The following CTNNA2 variants were observed in gnomAD, a reference collection of about 807,000 sequenced individuals.
CTNNA2 encodes catenin alpha-2.
CTNNA2 carries 42 observed loss-of-function variants against 101.0 expected under a neutral mutation model. The ratio of observed to expected loss-of-function variants is 0.42; its 90% CI spans 0.32 to 0.54. The LOEUF is 0.54. Ranked by LOEUF, CTNNA2 falls within the 20% of genes least tolerant of loss-of-function variation. The pLI, the probability that CTNNA2 is intolerant of heterozygous loss-of-function variation, is 0.14. For synonymous variants in CTNNA2, 450 were observed against 456.4 expected, an observed-to-expected ratio of 0.99 and a Z score of 0.18; for missense variants, 871 against 1,223.1, an observed-to-expected ratio of 0.71 and a Z score of 4.29.
chr2:79,763,961 A>T (rs1672969080), intron 3 of CTNNA2, among the ~76,000 whole-genome samples: 1 of 152,310 alleles, frequency 6.6e-6, no homozygotes, highest in South Asian at 2.1e-4. Flanking sequence ...GCTTAGAGTT[A>T]AGGCAACAGC....
chr2:79,780,917 TA>T (rs1558923674), intron 3 of CTNNA2, among the ~76,000 whole-genome samples: 1 of 152,092 alleles, frequency 6.6e-6, no homozygotes, highest in African/African-American at 2.4e-5. Context: ...AAACAAAGTT[TA>T]AAAAAAGAAA....
At chr2:79,430,859 G>A (rs1678652353) in intron 4 of CTNNA2, among the ~76,000 whole-genome samples, 1 of 143,846 alleles carries the variant, frequency 7.0e-6, no homozygotes, top group Non-Finnish European at 1.5e-5. Flanking sequence ...AAATTACTAT[G>A]TAAAGACTTC....
intron 2 of CTNNA2, among the ~76,000 whole-genome samples, chr2:79,272,652 A>T (rs1428333757): frequency 1.3e-5 from 2 of 152,104 alleles, no homozygotes; most frequent in African/African-American, 2.4e-5. Flanking sequence ...ATACCTTGCC[A>T]CTGTAAATTG....
intron 16 of CTNNA2, chr2:80,605,407 T>C (rs1697915639): frequency 6.6e-6 from 1 of 151,992 alleles, no homozygotes; most frequent in Non-Finnish European, 1.5e-5. Flanking sequence ...ACTATCTACA[T>C]GGAAATATTA....
chr2:80,204,852 T>A (rs1413167083), intron 7 of CTNNA2, among the ~76,000 whole-genome samples: 1 of 151,648 alleles, frequency 6.6e-6, no homozygotes, highest in African/African-American at 2.4e-5. Flanking sequence ...ATTTATGAAC[T>A]TACACTTCCA....
At chr2:79,338,619 C>A (rs908660923) in intron 3 of CTNNA2, among the ~76,000 whole-genome samples, 2 of 149,092 alleles carry the variant, frequency 1.3e-5, no homozygotes, top group African/African-American at 5.0e-5. Context: ...TCTTCTTCTT[C>A]TTCTTCTTCT....
At chr2:79,879,116 G>T (rs1053499775) in intron 6 of CTNNA2, among the ~76,000 whole-genome samples, 2 of 152,156 alleles carry the variant, frequency 1.3e-5, no homozygotes, top group Non-Finnish European at 1.5e-5. Flanking sequence ...ATTTGTCAAA[G>T]ATCAGATGGT....
chr2:79,560,013 C>T (rs1674679678), intron 1 of CTNNA2, among the ~76,000 whole-genome samples: 1 of 151,592 alleles, frequency 6.6e-6, no homozygotes, highest in South Asian at 2.1e-4. Flanking sequence ...GTATATTTAA[C>T]ATCTCTAGCG....
intron 3 of CTNNA2, among the ~76,000 whole-genome samples, chr2:79,848,984 C>A (rs1297444687): frequency 6.6e-6 from 1 of 150,734 alleles, no homozygotes; most frequent in Non-Finnish European, 1.5e-5. Context: ...CCCCCACCAA[C>A]CACCTGACCA....
At chr2:80,476,397 A>G (rs1251830785) in intron 9 of CTNNA2, among the ~76,000 whole-genome samples, 1 of 152,190 alleles carries the variant, frequency 6.6e-6, no homozygotes, top group Non-Finnish European at 1.5e-5. Context: ...AAAGGTGGAA[A>G]AATAATTTGA....
chr2:79,696,978 A>G (rs1684690632), intron 2 of CTNNA2, among the ~76,000 whole-genome samples: 1 of 151,938 alleles, frequency 6.6e-6, no homozygotes, highest in South Asian at 2.1e-4. Flanking sequence ...ACAGATCTAA[A>G]AATTATAAAG....
chr2:80,226,740 T>A (rs1708910176), intron 7 of CTNNA2, among the ~76,000 whole-genome samples: 1 of 152,170 alleles, frequency 6.6e-6, no homozygotes, highest in Non-Finnish European at 1.5e-5. Flanking sequence ...ACCTACTTCA[T>A]GACTCTGGGG....
chr2:80,415,480 A>G (rs1679957079), intron 8 of CTNNA2, among the ~76,000 whole-genome samples: 2 of 151,884 alleles, frequency 1.3e-5, no homozygotes, highest in African/African-American at 4.8e-5. Flanking sequence ...GCTAGCCATT[A>G]TTTTCAGTCT....
chr2:79,352,968 G>C (rs1677425190), intron 3 of CTNNA2, among the ~76,000 whole-genome samples: 1 of 152,122 alleles, frequency 6.6e-6, no homozygotes, highest in Non-Finnish European at 1.5e-5. Flanking sequence ...AAAGGGGAAG[G>C]TGGCACACAC....
At chr2:79,308,457 T>A (rs1410262294) in intron 2 of CTNNA2, among the ~76,000 whole-genome samples, 1 of 152,232 alleles carries the variant, frequency 6.6e-6, no homozygotes. Context: ...GTAGATTGTC[T>A]TTTCACTCTG....
intron 7 of CTNNA2, among the ~76,000 whole-genome samples, chr2:80,081,785 TTCTC>T (rs59390333): frequency 6.6e-6 from 1 of 150,466 alleles, no homozygotes; most frequent in Non-Finnish European, 1.5e-5. Context: ...GTGTCTGTGT[TTCTC>T]TCTCTCTCTA....
intron 7 of CTNNA2, among the ~76,000 whole-genome samples, chr2:79,953,380 T>C (rs184458722): frequency 2.1e-4 from 32 of 152,322 alleles, no homozygotes; most frequent in African/African-American, 7.7e-4. Flanking sequence ...GAATGTGATA[T>C]GGTATGTACG....
At chr2:80,168,023 C>T (rs973619732) in intron 7 of CTNNA2, among the ~76,000 whole-genome samples, 3 of 152,148 alleles carry the variant, frequency 2.0e-5, no homozygotes, top group Non-Finnish European at 4.4e-5. Flanking sequence ...TTGCCATAAC[C>T]AGTCTACCCT....
intron 1 of CTNNA2, among the ~76,000 whole-genome samples, chr2:79,531,927 G>A (rs1672771779): frequency 1.3e-5 from 2 of 151,954 alleles, no homozygotes; most frequent in Non-Finnish European, 2.9e-5. Flanking sequence ...TGATCTGCCC[G>A]CCTTGGCCTC....
Sources: allele counts gnomAD v4.1 joint callset (sites outside exome capture counted in the v4.1 genomes callset), GRCh38; gene constraint gnomAD v4.1.1; transcripts MANE v1.5; gene names NCBI Gene and HGNC (gene_info 2026-07-23, HGNC 2026-07-21).